PDZD2: variants seen among roughly 807,000 people sequenced by gnomAD.
The protein encoded by PDZD2 is PDZ domain containing 2.
A neutral mutation model predicts 220.7 loss-of-function variants in PDZD2; 90 were observed. The observed-to-expected ratio is 0.41, with a 90% confidence interval of 0.34 to 0.49. The LOEUF (loss-of-function observed/expected upper bound fraction) is 0.49, where lower values mean the gene tolerates loss of function less well. Ranked by LOEUF, PDZD2 falls within the 20% of genes least tolerant of loss-of-function variation. The probability of loss-of-function intolerance (pLI) is 0.28; values close to 1 mark genes in which losing one functional copy is unlikely to be tolerated. For missense variants in PDZD2, 3,174 were observed against 3,608.5 expected, an observed-to-expected ratio of 0.88 and a Z score of 3.08; for synonymous variants, 1,375 against 1,450.5, an observed-to-expected ratio of 0.95 and a Z score of 1.18.
Position 32,109,668 on chromosome 5 carries a change from A to C in PDZD2, c.*1533A>C, listed in dbSNP as rs542328760. The C allele has an allele frequency of 9.5e-4, 145 of 152,324 alleles. No individual in the cohort carries two copies. The highest frequency in any genetic ancestry group is 3.3e-3 in the African/African-American group (137 of 41,550). 9.4% of individuals were successfully genotyped at this position (152,324 alleles called of 1,614,324 possible). A position where few individuals can be genotyped will look rare whatever the true frequency, so the allele number is the denominator to read the frequency against. On this transcript the variant is annotated 3_prime_UTR_variant, in exon 25 of 25. Transcript: ENST00000438447. ...TTGAGCCCTGACAACATGAGTGGAG[A>C]GTGCATTTGCCATACCTGTGTGCAT...
At chr5:31,752,069 G>GTTTTTTTTTTTTTTTT (rs1491302993) in intron 1 of PDZD2, among the ~76,000 whole-genome samples, 7 of 95,856 alleles carry the variant, frequency 7.3e-5, no homozygotes, top group Admixed American at 3.0e-4. Flanking sequence ...ATTGTTTTGG[G>GTTTTTTTTTTTTTTTT]TTTGTTTTTT....
chr5:31,805,658 A>G (rs1456820027), intron 2 of PDZD2, among the ~76,000 whole-genome samples: 1 of 152,184 alleles, frequency 6.6e-6, no homozygotes, highest in East Asian at 1.9e-4. Flanking sequence ...TTTGAATTCA[A>G]AACTACCTTA....
At chr5:31,940,116 G>T (rs1391935465) in intron 2 of PDZD2, among the ~76,000 whole-genome samples, 1 of 152,158 alleles carries the variant, frequency 6.6e-6, no homozygotes, top group Admixed American at 6.5e-5. Flanking sequence ...CATTACCTAC[G>T]GTGGCACTGG....
chr5:31,899,691 A>C (rs897270160), intron 2 of PDZD2, among the ~76,000 whole-genome samples: 3 of 152,180 alleles, frequency 2.0e-5, no homozygotes, highest in Admixed American at 2.0e-4. Context: ...CCTAACCCTC[A>C]AGGTGGTGGT....
chr5:31,985,624 T>C (rs1205929217), intron 3 of PDZD2, among the ~76,000 whole-genome samples: 1 of 151,350 alleles, frequency 6.6e-6, no homozygotes, highest in Non-Finnish European at 1.5e-5. Context: ...ACCTGGCAGG[T>C]GGAGGTTGCC....
chr5:31,961,316 G>T (rs1450962864), intron 2 of PDZD2, among the ~76,000 whole-genome samples: 4 of 150,348 alleles, frequency 2.7e-5, no homozygotes, highest in African/African-American at 9.8e-5. Flanking sequence ...AGTTCACTTT[G>T]AGACCAGGCG....
chr5:31,763,208 C>T (rs1402399028), intron 1 of PDZD2, among the ~76,000 whole-genome samples: 1 of 152,176 alleles, frequency 6.6e-6, no homozygotes, highest in East Asian at 1.9e-4. Flanking sequence ...ACCTTGCCAG[C>T]ATCAGCAGGC....
intron 2 of PDZD2, among the ~76,000 whole-genome samples, chr5:31,802,531 G>A (rs182483693): frequency 0.011 from 1,583 of 148,510 alleles, 25 homozygotes; most frequent in African/African-American, 0.038. Flanking sequence ...AGGAATAGGA[G>A]AAAATGTCAG....
intron 2 of PDZD2, among the ~76,000 whole-genome samples, chr5:31,926,064 TA>T (rs1164043696): frequency 6.6e-5 from 10 of 151,080 alleles, no homozygotes; most frequent in African/African-American, 2.4e-4. Context: ...CGACAGAAAG[TA>T]AAAAAAATTA....
intron 2 of PDZD2, among the ~76,000 whole-genome samples, chr5:31,867,452 G>A (rs763637850): frequency 1.3e-5 from 2 of 152,186 alleles, no homozygotes; most frequent in Non-Finnish European, 2.9e-5. Context: ...CTCATCTGCA[G>A]AAGAAGTGGT....
rs1580773583 is a variant in PDZD2, at chr5:31,796,580, C to A, written c.-360-2309C>A. Among the ~76,000 whole-genome samples, 3 of 152,102 alleles carry A rather than the reference C, an allele frequency of 2.0e-5. No individual in the cohort carries two copies. In the South Asian group the frequency reaches 6.2e-4, roughly 32 times the overall value. ...CGGGGAAGAACCCTGATTGTCCCAG[C>A]GTGGGTGAGATGTCAAGCTCTGGAC... On this transcript the variant is annotated intron_variant, in intron 1 of 24. Transcript: ENST00000438447.
chr5:31,969,639 A>G (rs1188575288), intron 2 of PDZD2, among the ~76,000 whole-genome samples: 1 of 151,456 alleles, frequency 6.6e-6, no homozygotes, highest in African/African-American at 2.4e-5. Context: ...TGAAGTGGGC[A>G]TGAGGGATCT....
At chr5:31,847,907 G>A (rs1393476410) in intron 2 of PDZD2, 9 of 471,188 alleles carry the variant, frequency 1.9e-5, no homozygotes, top group Admixed American at 1.6e-4. Context: ...CCTAATGGAA[G>A]ATGAAGATGC....
chr5:31,863,244 C>T (rs1207532522), intron 2 of PDZD2, among the ~76,000 whole-genome samples: 1 of 152,208 alleles, frequency 6.6e-6, no homozygotes, highest in Non-Finnish European at 1.5e-5. Flanking sequence ...CTAACCTTCT[C>T]AGAGGCCCTA....
intron 2 of PDZD2, among the ~76,000 whole-genome samples, chr5:31,857,638 G>A (rs1045099906): frequency 2.6e-5 from 4 of 152,098 alleles, no homozygotes; most frequent in Non-Finnish European, 5.9e-5. Context: ...CCTCCTGAAA[G>A]TTCTTAGGAT....
intron 1 of PDZD2, among the ~76,000 whole-genome samples, chr5:31,649,292 T>C (rs1017902653): frequency 4.6e-5 from 7 of 151,992 alleles, no homozygotes; most frequent in Non-Finnish European, 1.0e-4. Context: ...CTCCTATGAC[T>C]CCTTCTCTTA....
intron 1 of PDZD2, among the ~76,000 whole-genome samples, chr5:31,642,614 C>T (rs1744990303): frequency 1.3e-5 from 2 of 152,248 alleles, no homozygotes; most frequent in South Asian, 4.1e-4. Flanking sequence ...CATGAGAGTC[C>T]CTCCATTCTC....
At chr5:31,694,875 G>A (rs1242553153) in intron 1 of PDZD2, among the ~76,000 whole-genome samples, 1 of 151,674 alleles carries the variant, frequency 6.6e-6, no homozygotes, top group East Asian at 1.9e-4. Flanking sequence ...TGTAATCCCA[G>A]CACTTTGTGA....
At chr5:31,883,746 T>C (rs968559439) in intron 2 of PDZD2, among the ~76,000 whole-genome samples, 3 of 151,750 alleles carry the variant, frequency 2.0e-5, no homozygotes, top group Non-Finnish European at 4.4e-5. Context: ...GGATTACAGG[T>C]GCCTGCCACC....
Sources: allele counts gnomAD v4.1 joint callset (sites outside exome capture counted in the v4.1 genomes callset), GRCh38; gene constraint gnomAD v4.1.1; transcripts MANE v1.5; gene names NCBI Gene and HGNC (gene_info 2026-07-23, HGNC 2026-07-21).